The following GJB7 variants were observed in gnomAD, a reference collection of about 807,000 sequenced individuals.
GJB7 encodes the protein gap junction beta-7 protein.
For missense variants in GJB7, 253 were observed against 256.8 expected (o/e 0.99, Z 0.10); for synonymous variants, 87 against 95.2 (o/e 0.91, Z 0.50).
intron 2 of GJB7, among the ~76,000 whole-genome samples, chr6:87,314,332 A>G (rs994475088): frequency 2.0e-5 from 3 of 152,084 alleles, no homozygotes; most frequent in Non-Finnish European, 4.4e-5. Flanking sequence ...GCCCCTCTCT[A>G]TCTCAGAGGG....
intron 2 of GJB7, among the ~76,000 whole-genome samples, chr6:87,311,847 C>G (rs1045392174): frequency 6.6e-6 from 1 of 152,154 alleles, no homozygotes; most frequent in Non-Finnish European, 1.5e-5. Flanking sequence ...GGTCTCAGCT[C>G]TCAGTCCCAT....
At chr6:87,325,045 G>A (rs372442785) in intron 1 of GJB7, among the ~76,000 whole-genome samples, 1 of 152,018 alleles carries the variant, frequency 6.6e-6, no homozygotes. Context: ...GTGAATGGGA[G>A]TTCACTCATG....
At position 87,289,120 on chromosome 6, in the gene GJB7, ATGCT is replaced by A. The variant is rs142862450; in HGVS notation, c.-27-4185_-27-4182del. ...CTCCAAAGGATACTGGATTCCAGAC[ATGCT>A]TTCCTTCCTTCAGTTTCTCCTTTAG... On this transcript the variant is annotated intron_variant, in intron 2 of 2. Coordinates refer to ENST00000525899, the MANE Select transcript of GJB7 (RefSeq NM_198568.3). Among the ~76,000 whole-genome samples the A allele has an allele frequency of 5.8e-3, 879 of 152,252 alleles. 5 individuals are homozygous for A. Among genetic ancestry groups the A allele is most frequent in the African/African-American group, 0.02 (836 of 41,548 alleles).
rs1776219475 is a variant in GJB7, at chr6:87,294,264, CA to C, written c.-27-9326del. On this transcript the variant is annotated intron_variant, in intron 2 of 2. Transcript: ENST00000525899. The stretch of plus-strand genomic sequence containing the variant: ...TCTTCAGTGTGAATATGTGACGCTG[CA>C]AGATAATCAGAAAGTGCACAGCCCA... Among the ~76,000 whole-genome samples the C allele has an allele frequency of 2.6e-5, 4 of 152,324 alleles. No homozygotes were observed. The South Asian group carries it at 8.3e-4, about 32-fold the overall frequency.
At chr6:87,321,337 A>G (rs1022380363) in intron 2 of GJB7, among the ~76,000 whole-genome samples, 1 of 151,988 alleles carries the variant, frequency 6.6e-6, no homozygotes. Flanking sequence ...TCAAATAAAT[A>G]TATTTTGGGG....
chr6:87,295,786 T>C (rs1398579586), intron 2 of GJB7, among the ~76,000 whole-genome samples: 1 of 152,146 alleles, frequency 6.6e-6, no homozygotes, highest in African/African-American at 2.4e-5. Context: ...CTCCCAGAAA[T>C]TGAAGGGCTC....
chr6:87,320,001 A>G (rs1776632462), intron 2 of GJB7, among the ~76,000 whole-genome samples: 1 of 152,202 alleles, frequency 6.6e-6, no homozygotes, highest in Non-Finnish European at 1.5e-5. Flanking sequence ...AATGATGGTT[A>G]CCAGAGGCTG....
chr6:87,328,290 C>T (rs12190280), intron 1 of GJB7, among the ~76,000 whole-genome samples: 60,279 of 152,012 alleles, frequency 0.4, 12,893 homozygotes, highest in Non-Finnish European at 0.48. Context: ...TTCCGTTGCT[C>T]GTGAGGAACT....
intron 2 of GJB7, among the ~76,000 whole-genome samples, chr6:87,315,900 A>G (rs1401800225): frequency 1.3e-5 from 2 of 152,128 alleles, no homozygotes; most frequent in Non-Finnish European, 2.9e-5. Context: ...CACTGCTGAA[A>G]TCTGTTCCCT....
intron 2 of GJB7, chr6:87,298,899 A>G (rs778726842): frequency 3.6e-5 from 15 of 416,716 alleles, no homozygotes; most frequent in Non-Finnish European, 6.6e-5. Flanking sequence ...TTCAGGGTGT[A>G]GACTTTTTAG....
chr6:87,324,032 G>T (rs1170219923), intron 1 of GJB7, among the ~76,000 whole-genome samples: 1 of 150,228 alleles, frequency 6.7e-6, no homozygotes, highest in African/African-American at 2.5e-5. Context: ...CAGTGATGGT[G>T]AGCATTTTTT....
intron 2 of GJB7, 30 bp from the exon 3 acceptor site, chr6:87,284,969 CATTT>C (rs1443325406): frequency 1.5e-6 from 2 of 1,333,594 alleles, no homozygotes; most frequent in Non-Finnish European, 2.1e-6. Flanking sequence ...CATCAGGATC[CATTT>C]ATTTCTATTC....
intron 2 of GJB7, among the ~76,000 whole-genome samples, chr6:87,309,351 A>C (rs1776481932): frequency 6.6e-6 from 1 of 152,244 alleles, no homozygotes; most frequent in South Asian, 2.1e-4. Flanking sequence ...ATGGATTTCC[A>C]GCTTGTGCTT....
At chr6:87,288,050 C>T in intron 2 of GJB7, among the ~76,000 whole-genome samples, 1 of 151,948 alleles carries the variant, frequency 6.6e-6, no homozygotes. Context: ...TTGCAGGTGC[C>T]CACCACCACG....
chr6:87,296,727 C>T (rs1190295457), intron 2 of GJB7, among the ~76,000 whole-genome samples: 1 of 152,016 alleles, frequency 6.6e-6, no homozygotes, highest in Non-Finnish European at 1.5e-5. Context: ...TTTTGTTCCT[C>T]CTCTTGGGAA....
chr6:87,326,612 T>C (rs1776827595), intron 1 of GJB7, among the ~76,000 whole-genome samples: 2 of 147,398 alleles, frequency 1.4e-5, no homozygotes, highest in African/African-American at 5.1e-5. Flanking sequence ...TCTAGTTTGA[T>C]TGCACTGTGG....
intron 2 of GJB7, among the ~76,000 whole-genome samples, chr6:87,313,795 C>A (rs959372476): frequency 6.6e-6 from 1 of 152,214 alleles, no homozygotes; most frequent in Admixed American, 6.5e-5. Context: ...TGAGGAGCAG[C>A]AGCAGCACCT....
intron 2 of GJB7, among the ~76,000 whole-genome samples, chr6:87,302,234 TAAA>T (rs2127903358): frequency 6.6e-6 from 1 of 152,216 alleles, no homozygotes; most frequent in Admixed American, 6.5e-5. Flanking sequence ...TTCTCCAAGC[TAAA>T]GGAGGAAGTT....
At chr6:87,302,421 G>T (rs752224307) in intron 2 of GJB7, among the ~76,000 whole-genome samples, 1 of 152,048 alleles carries the variant, frequency 6.6e-6, no homozygotes, top group East Asian at 1.9e-4. Flanking sequence ...TGGAAGAAAG[G>T]GTATCAGTGA....
Sources: gnomAD v4.1 joint callset for allele counts (sites outside exome capture counted in the v4.1 genomes callset) on GRCh38, gnomAD v4.1.1 for gene constraint, MANE v1.5 for transcripts, NCBI Gene and HGNC (gene_info 2026-07-23, HGNC 2026-07-21) for gene names.